The following TNS1 variants were observed in gnomAD, a reference collection of about 807,000 sequenced individuals.
TNS1 encodes tensin-1.
TNS1 carries 62 observed loss-of-function variants against 168.6 expected under a neutral mutation model. That is an observed-to-expected ratio of 0.37 (90% CI 0.30 to 0.45). The LOEUF (loss-of-function observed/expected upper bound fraction) is 0.45. Ranked by LOEUF, TNS1 falls within the 20% of genes least tolerant of loss-of-function variation. The pLI, the probability that TNS1 is intolerant of heterozygous loss-of-function variation, is 1.00. For synonymous variants in TNS1, 934 were observed against 933.2 expected, an observed-to-expected ratio of 1.00 and a Z score of -0.02; for missense variants, 2,240 against 2,339.4, an observed-to-expected ratio of 0.96 and a Z score of 0.88.
chr2:217,979,898 T>C (rs1011875488), intron 2 of TNS1, among the ~76,000 whole-genome samples: 2 of 152,026 alleles, frequency 1.3e-5, no homozygotes, highest in Non-Finnish European at 2.9e-5. Flanking sequence ...CTGGATCTAT[T>C]GCACCCCACC....
upstream of TNS1, among the ~76,000 whole-genome samples, chr2:218,013,620 CT>C (rs111949505): frequency 0.035 from 5,265 of 152,210 alleles, 297 homozygotes; most frequent in African/African-American, 0.12. Context: ...GCTTGTCCCC[CT>C]GCTCATGTGA....
At chr2:217,929,013 G>A (rs1956177840) in intron 3 of TNS1, among the ~76,000 whole-genome samples, 1 of 152,220 alleles carries the variant, frequency 6.6e-6, no homozygotes, top group Non-Finnish European at 1.5e-5. Context: ...AAGAGCAGGT[G>A]TGCCTGACCC....
chr2:217,821,611 G>C (rs1156346510), intron 23 of TNS1, 129 bp downstream of exon 23: 1 of 922,726 alleles, frequency 1.1e-6, no homozygotes, highest in Non-Finnish European at 1.5e-6. Flanking sequence ...TGGTTTGCAA[G>C]GTACCGCCAT....
Position 217,804,503 on chromosome 2 carries a change from T to C in TNS1, c.5476A>G (p.Asn1826Asp). Residue 1826 changes from asparagine to aspartate, a missense_variant, in exon 33 of 33, where the codon AAC becomes GAC. By Grantham distance (23) the Asn-to-Asp change is conservative. Coordinates refer to ENST00000682258, the MANE Select transcript of TNS1 (RefSeq NM_001387777.1). ...TTCAGCATGACCTTGGAGACGAAGT[T>C]GACGATGGCAGAGGCCGGCTGGTTG... ...DPNQPASAIV[N>D]FVSKVMLNAG... 1 of 1,613,998 alleles carries C rather than the reference T, an allele frequency of 6.2e-7. No homozygotes were observed. The highest frequency in any genetic ancestry group is 8.5e-7 in the Non-Finnish European group (1 of 1,179,982).
intron 3 of TNS1, among the ~76,000 whole-genome samples, chr2:217,950,513 G>A (rs1261852755): frequency 1.3e-5 from 2 of 151,916 alleles, no homozygotes; most frequent in East Asian, 1.9e-4. Context: ...GCTGGCTCCT[G>A]GGCTGGGGGA....
Position 217,885,763 on chromosome 2 carries a change from A to G in TNS1, c.1097T>C (p.Leu366Pro). Residue 366 changes from leucine (L) to proline (P), a missense_variant, in exon 15 of 33, where the codon CTC becomes CCC. Leu to Pro is a moderately conservative substitution (Grantham distance 98). Transcript: ENST00000682258. Reference protein sequence around the residue: ...SVCITIEPGLLLKGDILLKCY... With the variant: ...SVCITIEPGLPLKGDILLKCY... ...ACTCACCAAGATGTCTCCCTTCAAG[A>G]GCAGTCCTGGCTCGATGGTGATGCA... The G allele has an allele frequency of 6.2e-7, 1 of 1,614,134 alleles. No individual in the cohort carries two copies.
intron 3 of TNS1, among the ~76,000 whole-genome samples, chr2:217,951,933 C>T (rs151145603): frequency 3.2e-4 from 49 of 152,354 alleles, no homozygotes; most frequent in African/African-American, 1.1e-3. Context: ...CCCATCTGTC[C>T]CTCACCCCTT....
chr2:217,804,495 G>A lies in TNS1; in HGVS notation c.5484C>T (p.Val1828=), dbSNP rs371606202. 61 of 1,614,052 alleles carry A rather than the reference G, an allele frequency of 3.8e-5. No homozygotes were observed. In the African/African-American group the frequency reaches 7.2e-4, roughly 19 times the overall value. The change falls in exon 33 of 33, where the codon GTC becomes GTT. Residue 1828 remains valine (V), a synonymous_variant. Transcript: ENST00000682258. The part of the protein sequence containing the change: ...NQPASAIVNF[V]SKVMLNAGQK... ...GGCCGGCATTCAGCATGACCTTGGA[G>A]ACGAAGTTGACGATGGCAGAGGCCG...
intron 11 of TNS1, 95 bp downstream of exon 11, chr2:217,892,853 C>G: frequency 7.2e-7 from 1 of 1,393,448 alleles, no homozygotes; most frequent in East Asian, 2.3e-5. Flanking sequence ...GTGCGTATCC[C>G]CTCACTCCAG....
chr2:217,810,046 T>A, intron 29 of TNS1, 55 bp from the exon 30 acceptor site: 1 of 1,579,652 alleles, frequency 6.3e-7, no homozygotes, highest in Admixed American at 1.7e-5. Flanking sequence ...GTGAGGACAT[T>A]AACCCAGATC....
At chr2:217,851,256 A>C (rs115404928) in intron 18 of TNS1, among the ~76,000 whole-genome samples, 1,669 of 152,268 alleles carry the variant, frequency 0.011, 30 homozygotes, top group African/African-American at 0.038. Context: ...ATCAGCCCTT[A>C]GGCCAGAAGT....
intron 4 of TNS1, 96 bp from the exon 5 acceptor site, chr2:217,907,347 C>T (rs1036100989): frequency 1.3e-5 from 9 of 686,498 alleles, no homozygotes; most frequent in Middle Eastern, 2.4e-4. Flanking sequence ...GGCAGAATGC[C>T]CCCTGAGACA....
intron 18 of TNS1, chr2:217,859,785 C>T (rs1948613425): frequency 8.8e-7 from 1 of 1,132,954 alleles, no homozygotes. Context: ...GATCCGAGAG[C>T]CATGCAGCTG....
chr2:218,010,646 T>A (rs2106000203), upstream of TNS1, among the ~76,000 whole-genome samples: 1 of 146,604 alleles, frequency 6.8e-6, no homozygotes, highest in South Asian at 2.4e-4. Flanking sequence ...GCGCCGGGCG[T>A]CCGGCGTCCA....
In TNS1 at chr2:218,001,711, ACCG is replaced by A. The variant is rs374951639; in HGVS notation, c.33+1126_33+1128del. On this transcript the variant is annotated intron_variant, in intron 1 of 32. Coordinates refer to ENST00000682258, the MANE Select transcript of TNS1 (RefSeq NM_001387777.1). ...CACCCCAGCCCAACATGCCACCCAA[ACCG>A]CCTCATTCCAGGCCCCCTCCCCCAC... 9.7e-4 allele frequency among the ~76,000 whole-genome samples: 147 copies of A among 151,756 alleles called. 1 individual carries two copies. The highest frequency in any genetic ancestry group is 3.4e-3 in the African/African-American group (140 of 41,326).
chr2:217,890,847 C>T, intron 12 of TNS1, 115 bp downstream of exon 12: 1 of 1,172,726 alleles, frequency 8.5e-7, no homozygotes, highest in Non-Finnish European at 1.2e-6. Context: ...AAACTTGCGC[C>T]TGGTACACCC....
Position 217,813,747 on chromosome 2 carries a change from G to T in TNS1, c.4799C>A (p.Ala1600Glu), listed in dbSNP as rs370042202. Residue 1600 changes from alanine to glutamate, a missense_variant, in exon 26 of 33, where the codon GCG becomes GAG. Ala to Glu is a moderately radical substitution (Grantham distance 107, BLOSUM62 -1). Transcript: ENST00000682258. The surrounding 1 kb of genome is among the most constrained non-coding windows in gnomAD (Gnocchi z 4.0). Reference protein sequence around the residue: ...IIRDSHSFRGAYGLAMKVSSP... With the variant: ...IIRDSHSFRGEYGLAMKVSSP... ...AGACACCTTCATGGCCAGCCCGTAC[G>T]CGCCTCGGAAGGAGTGACTGTCGCG... 1 of 1,614,048 alleles carries T rather than the reference G, an allele frequency of 6.2e-7. No individual in the cohort carries two copies. The highest frequency in any genetic ancestry group is 8.5e-7 in the Non-Finnish European group (1 of 1,179,938).
At chr2:217,810,625 C>G (rs985613293) in intron 28 of TNS1, among the ~76,000 whole-genome samples, 1 of 152,220 alleles carries the variant, frequency 6.6e-6, no homozygotes, top group Non-Finnish European at 1.5e-5. Flanking sequence ...TTTTGAGCGA[C>G]TCCATGTACA....
intron 3 of TNS1, among the ~76,000 whole-genome samples, chr2:217,960,831 T>C (rs969457842): frequency 1.3e-5 from 2 of 152,080 alleles, no homozygotes; most frequent in South Asian, 2.1e-4. Flanking sequence ...CCCTAGGCTG[T>C]CCTCCAGGAA....
Sources: allele counts gnomAD v4.1 joint callset (sites outside exome capture counted in the v4.1 genomes callset), GRCh38; gene constraint gnomAD v4.1.1; non-coding constraint Gnocchi (gnomAD v3.1); transcripts MANE v1.5; gene names NCBI Gene and HGNC (gene_info 2026-07-23, HGNC 2026-07-21).